GRIK2: variants seen among roughly 807,000 people sequenced by gnomAD.
The protein encoded by GRIK2 is glutamate ionotropic receptor kainate type subunit 2, also known as glutamate receptor ionotropic, kainate 2.
GRIK2 carries 32 observed loss-of-function variants against 100.3 expected under a neutral mutation model. That is an observed-to-expected ratio of 0.32 (90% CI 0.24 to 0.43). GRIK2 has a LOEUF of 0.43. Among genes scored for constraint, GRIK2 ranks in the 20% least tolerant of loss-of-function variants. The pLI is 1.00. For missense variants in GRIK2, 843 were observed against 1,114.9 expected (o/e 0.76, Z 3.47); for synonymous variants, 417 against 389.4 (o/e 1.07, Z -0.83).
chr6:101,446,984 T>TTA (rs34641126), intron 2 of GRIK2, among the ~76,000 whole-genome samples: 139,568 of 146,798 alleles, frequency 0.95, 66,357 homozygotes, highest in East Asian at 0.97. Flanking sequence ...TATTATATGT[T>TTA]TATATATATG....
intron 5 of GRIK2, among the ~76,000 whole-genome samples, chr6:101,679,613 T>A (rs1230702513): frequency 6.6e-6 from 1 of 152,144 alleles, no homozygotes; most frequent in Non-Finnish European, 1.5e-5. Context: ...GAGCAAGTTA[T>A]TTAAAAAAAA....
intron 2 of GRIK2, among the ~76,000 whole-genome samples, chr6:101,528,333 G>A (rs551482933): frequency 6.6e-6 from 1 of 152,272 alleles, no homozygotes; most frequent in South Asian, 2.1e-4. Flanking sequence ...AGGATTTGGG[G>A]TAGAAACTCT....
chr6:101,999,354 T>C (rs1794812764), intron 14 of GRIK2, among the ~76,000 whole-genome samples: 1 of 152,142 alleles, frequency 6.6e-6, no homozygotes, highest in Non-Finnish European at 1.5e-5. Context: ...AAATTGATAA[T>C]TTTACTATAT....
At position 101,417,364 on chromosome 6, in the gene GRIK2, T is replaced by A. The variant is rs372940766; in HGVS notation, c.115+17972T>A. Among the ~76,000 whole-genome samples the A allele has an allele frequency of 5.9e-5, 9 of 152,282 alleles. No homozygotes were observed. In the East Asian group the frequency reaches 1.4e-3, roughly 23 times the overall value. On this transcript the variant is annotated intron_variant, in intron 2 of 16. Coordinates refer to ENST00000369134, the MANE Select transcript of GRIK2 (RefSeq NM_021956.5). ...ATGTATGTAAGAAGGTGAAGTTCCA[T>A]GTGGCTTGTGGGCATCATTCCCATC...
intron 2 of GRIK2, among the ~76,000 whole-genome samples, chr6:101,501,660 G>T (rs1773750250): frequency 6.6e-6 from 1 of 152,178 alleles, no homozygotes; most frequent in Non-Finnish European, 1.5e-5. Context: ...TAAAGTAACA[G>T]GATCTGTAGA....
chr6:102,030,901 T>A (rs574436378), intron 14 of GRIK2, among the ~76,000 whole-genome samples: 1 of 151,082 alleles, frequency 6.6e-6, no homozygotes, highest in Non-Finnish European at 1.5e-5. Context: ...ACAGATCCAT[T>A]TGAATGTTCC....
At chr6:101,423,915 A>G (rs1400954622) in intron 2 of GRIK2, among the ~76,000 whole-genome samples, 1 of 152,156 alleles carries the variant, frequency 6.6e-6, no homozygotes, top group African/African-American at 2.4e-5. Context: ...TATGGAAACA[A>G]CCTAAATGTT....
chr6:101,976,560 A>G (rs1349751818), intron 14 of GRIK2, among the ~76,000 whole-genome samples: 1 of 151,828 alleles, frequency 6.6e-6, no homozygotes, highest in African/African-American at 2.4e-5. Flanking sequence ...ATGGTAACAC[A>G]CTTGCATTCC....
chr6:101,568,173 C>T (rs1428817057), intron 2 of GRIK2, among the ~76,000 whole-genome samples: 1 of 151,718 alleles, frequency 6.6e-6, no homozygotes. Flanking sequence ...CTTTTCTTTT[C>T]AAAACTATTT....
At chr6:101,654,759 C>T (rs555327514) in intron 4 of GRIK2, among the ~76,000 whole-genome samples, 1 of 152,222 alleles carries the variant, frequency 6.6e-6, no homozygotes, top group African/African-American at 2.4e-5. Flanking sequence ...TATTGTTCCA[C>T]TTTAACCTCT....
At chr6:101,922,092 C>CAT (rs1554286835) in intron 12 of GRIK2, among the ~76,000 whole-genome samples, 2,737 of 30,132 alleles carry the variant, frequency 0.091, 37 homozygotes, top group South Asian at 0.14. Flanking sequence ...TCCTTCCTTC[C>CAT]TTCCTTCCTT....
Position 101,808,919 on chromosome 6 carries a change from T to TA in GRIK2, c.1203+6490dup, listed in dbSNP as rs900045588. On this transcript the variant is annotated intron_variant, in intron 9 of 16. Coordinates refer to ENST00000369134, the MANE Select transcript of GRIK2 (RefSeq NM_021956.5). ...GTTTGTGTATCCTTTGGGAAAATCT[T>TA]AAAAAAAAATACAGAAAGACATTTT... is the stretch of plus-strand genomic sequence containing the variant. 8.6e-5 allele frequency among the ~76,000 whole-genome samples: 13 copies of TA among 150,394 alleles called. 1 individual carries two copies. The highest frequency in any genetic ancestry group is 4.2e-4 in the South Asian group (2 of 4,790).
At chr6:101,917,353 C>G (rs1789184939) in intron 12 of GRIK2, among the ~76,000 whole-genome samples, 1 of 151,660 alleles carries the variant, frequency 6.6e-6, no homozygotes. Context: ...GTGTTGGCAC[C>G]AAACTGGCCT....
intron 7 of GRIK2, among the ~76,000 whole-genome samples, chr6:101,763,778 A>G (rs761778158): frequency 2.0e-5 from 3 of 152,156 alleles, no homozygotes; most frequent in Non-Finnish European, 4.4e-5. Flanking sequence ...ATATAGTCAC[A>G]TGGGACCTTA....
intron 9 of GRIK2, among the ~76,000 whole-genome samples, chr6:101,804,861 A>G (rs1253438288): frequency 6.6e-6 from 1 of 151,922 alleles, no homozygotes; most frequent in African/African-American, 2.4e-5. Flanking sequence ...AAAATTGAAA[A>G]TTCCATTTTG....
At chr6:101,709,932 G>A (rs75664263) in intron 7 of GRIK2, among the ~76,000 whole-genome samples, 3,516 of 151,808 alleles carry the variant, frequency 0.023, 123 homozygotes, top group African/African-American at 0.079. Flanking sequence ...TCTCATAGGG[G>A]TTTGCCGTGC....
intron 2 of GRIK2, among the ~76,000 whole-genome samples, chr6:101,456,971 G>A (rs1174694528): frequency 6.6e-6 from 1 of 152,116 alleles, no homozygotes; most frequent in Non-Finnish European, 1.5e-5. Flanking sequence ...AGTGAAGTTA[G>A]TTGCTCAACT....
chr6:101,919,456 T>A (rs1789352293), intron 12 of GRIK2, among the ~76,000 whole-genome samples: 1 of 151,722 alleles, frequency 6.6e-6, no homozygotes, highest in Non-Finnish European at 1.5e-5. Context: ...AAGGAGAAAT[T>A]GGGAAACAGA....
chr6:101,412,687 T>C (rs372340970), intron 2 of GRIK2, among the ~76,000 whole-genome samples: 8 of 152,180 alleles, frequency 5.3e-5, no homozygotes, highest in African/African-American at 1.7e-4. Context: ...AAATATGTAA[T>C]TTCAAGAAAA....
Sources: gnomAD v4.1 joint callset for allele counts (sites outside exome capture counted in the v4.1 genomes callset) on GRCh38, gnomAD v4.1.1 for gene constraint, MANE v1.5 for transcripts, NCBI Gene and HGNC (gene_info 2026-07-23, HGNC 2026-07-21) for gene names.